Variants in TOR1AIP2 observed in about 807,000 individuals in gnomAD.
TOR1AIP2 encodes torsin-1A-interacting protein 2.
A neutral mutation model predicts 32.6 loss-of-function variants in TOR1AIP2; 20 were observed. That is an observed-to-expected ratio of 0.61 (90% CI 0.43 to 0.89). The LOEUF (loss-of-function observed/expected upper bound fraction) is 0.89. Among genes scored for constraint, TOR1AIP2 ranks in the 40% least tolerant of loss-of-function variants. The pLI is 0.00. For synonymous variants in TOR1AIP2, 214 were observed against 210.8 expected (o/e 1.02, Z -0.13); for missense variants, 456 against 553.8 (o/e 0.82, Z 1.77).
intron 2 of TOR1AIP2, among the ~76,000 whole-genome samples, chr1:179,869,898 T>C (rs1696945025): frequency 6.6e-6 from 1 of 152,240 alleles, no homozygotes. Flanking sequence ...TAACACTTAG[T>C]AGCTAACACT....
chr1:179,864,353 C>T, intron 3 of TOR1AIP2: 1 of 988,158 alleles, frequency 1.0e-6, no homozygotes, highest in Non-Finnish European at 1.2e-6. Context: ...TATTAAAATT[C>T]ACTGGACTAA....
At chr1:179,877,641 CA>C (rs1404147534) in intron 1 of TOR1AIP2, 51 bp downstream of exon 1, 1 of 152,220 alleles carries the variant, frequency 6.6e-6, no homozygotes, top group Non-Finnish European at 1.5e-5. Flanking sequence ...TTCAAGATAT[CA>C]GTTTCAATAC....
chr1:179,848,277 T>C (rs1300669466), intron 5 of TOR1AIP2, among the ~76,000 whole-genome samples: 2 of 152,208 alleles, frequency 1.3e-5, no homozygotes, highest in African/African-American at 4.8e-5. Flanking sequence ...TTAAGAAATG[T>C]TGGCTGTACA....
At chr1:179,870,448 A>G (rs556844384) in intron 2 of TOR1AIP2, among the ~76,000 whole-genome samples, 1 of 152,234 alleles carries the variant, frequency 6.6e-6, no homozygotes, top group Admixed American at 6.5e-5. Flanking sequence ...TTTTTCCAAA[A>G]AGATGGTACA....
At chr1:179,871,666 T>C (rs900326944) in intron 2 of TOR1AIP2, among the ~76,000 whole-genome samples, 1 of 152,214 alleles carries the variant, frequency 6.6e-6, no homozygotes, top group Admixed American at 6.5e-5. Context: ...GATAGGCACA[T>C]AGAAAAAGTA....
rs1204503479 is a variant in TOR1AIP2, at chr1:179,845,312, T to C, written c.*759A>G. 6.6e-6 allele frequency: 1 copy of C among 152,208 alleles called. No homozygotes were observed. Among genetic ancestry groups the C allele is most frequent in the Non-Finnish European group, 1.5e-5 (1 of 68,028 alleles). The allele number at this position is 152,208 out of a possible 1,614,324, so 9.4% of individuals were successfully genotyped here. A position where few individuals can be genotyped will look rare whatever the true frequency, so the allele number is the denominator to read the frequency against. ...GGGGAAGGGTGCCAGTAGACACAGT[T>C]TGAAAATCAATGCTGTAAATTGTTC... On this transcript the variant is annotated 3_prime_UTR_variant, in exon 7 of 7. Transcript: ENST00000609928.
Position 179,851,044 on chromosome 1 carries a change from G to A in TOR1AIP2, c.354C>T (p.Ser118=). 6.2e-7 allele frequency: 1 copy of A among 1,614,172 alleles called. No homozygotes were observed. The highest frequency in any genetic ancestry group is 8.5e-7 in the Non-Finnish European group (1 of 1,179,992). ...TTCCTACCTTGTCACTTGGAGAATG[G>A]CTGGGATCTGGATCCAAGGGTTCTT... is the stretch of plus-strand genomic sequence containing the variant. ...LGKEPLDPDP[S]HSPSDKVGRA... The change falls in exon 5 of 7, where the codon AGC becomes AGT. Residue 118 remains serine, a synonymous_variant. Transcript: ENST00000609928.
chr1:179,851,111 T>C lies in TOR1AIP2; in HGVS notation c.287A>G (p.Asp96Gly), dbSNP rs1261854156. 3 of 1,614,240 alleles carry C rather than the reference T, an allele frequency of 1.9e-6. No individual in the cohort carries two copies. The South Asian group carries it at 3.3e-5, about 18-fold the overall frequency. Residue 96 changes from aspartate (D) to glycine (G), a missense_variant, in exon 5 of 7, where the codon GAT becomes GGT. Transcript: ENST00000609928. ...TEDENKQSFL[D>G]GGKGHHLPSE... ...AGGGAGGTGATGCCCTTTTCCGCCA[T>C]CCAGAAAACTCTGCTTGTTCTCATC... is the stretch of plus-strand genomic sequence containing the variant.
rs545306806 is a variant in TOR1AIP2 at position 179,862,288 on chromosome 1, T to G, written c.-147+3148A>C. ...ATGTCCTTGTAACATAAGCATTCTC[T>G]AATAATTAAAAAATTTAGGGGCAAT... On this transcript the variant is annotated intron_variant, in intron 3 of 6. Coordinates refer to ENST00000609928, the MANE Select transcript of TOR1AIP2 (RefSeq NM_001199260.2). The G allele has an allele frequency of 6.0e-5, 59 of 979,994 alleles. 3 individuals carry two copies. The South Asian group carries it at 2.5e-3, about 42-fold the overall frequency. 60.7% of individuals were successfully genotyped at this position (979,994 alleles called of 1,614,324 possible).
intron 3 of TOR1AIP2, chr1:179,860,663 C>G: frequency 2.1e-5 from 21 of 984,838 alleles, no homozygotes; most frequent in Non-Finnish European, 2.5e-5. Flanking sequence ...CAACCTTTTT[C>G]ACAGATGAAG....
chr1:179,863,737 C>G, intron 3 of TOR1AIP2: 2 of 983,640 alleles, frequency 2.0e-6, no homozygotes, highest in South Asian at 9.4e-5. Flanking sequence ...AAGCTGGGAC[C>G]TTGATAATAT....
At chr1:179,856,795 G>A (rs950437438) in intron 3 of TOR1AIP2, among the ~76,000 whole-genome samples, 1 of 152,116 alleles carries the variant, frequency 6.6e-6, no homozygotes, top group Non-Finnish European at 1.5e-5. Context: ...TGTATTTTTA[G>A]TACACACAGC....
In TOR1AIP2 at chr1:179,851,160, T is replaced by TC; in HGVS notation, c.237dup (p.Lys80GlufsTer6). 1 of 1,614,190 alleles carries TC rather than the reference T, an allele frequency of 6.2e-7. No homozygotes were observed. Among genetic ancestry groups the TC allele is most frequent in the Non-Finnish European group, 8.5e-7 (1 of 1,180,042 alleles). ...TCTTCTGTTTTATCCTTTGGATGTT[T>TC]CCCCACATTTGCTTCATCTGGACTT... On this transcript the variant is annotated frameshift_variant, in exon 5 of 7. Coordinates refer to ENST00000609928, the MANE Select transcript of TOR1AIP2 (RefSeq NM_001199260.2). LOFTEE classifies it high-confidence loss of function.
intron 3 of TOR1AIP2, chr1:179,859,490 G>C: frequency 1.0e-6 from 1 of 985,344 alleles, no homozygotes; most frequent in Non-Finnish European, 1.2e-6. Context: ...TTACATCTAG[G>C]TTTGAATTGT....
Position 179,845,809 on chromosome 1 carries a change from T to A in TOR1AIP2, c.*262A>T, listed in dbSNP as rs569360139. 2.3e-4 allele frequency: 81 copies of A among 354,022 alleles called. No individual in the cohort carries two copies. The East Asian group carries it at 3.8e-3, about 17-fold the overall frequency. The allele number at this position is 354,022 out of a possible 1,614,324, so 21.9% of individuals were successfully genotyped here. A position where few individuals can be genotyped will look rare whatever the true frequency, so the allele number is the denominator to read the frequency against. On this transcript the variant is annotated 3_prime_UTR_variant, in exon 7 of 7. Transcript: ENST00000609928. ...GCTATATTTTAGAATTTAAAAAAAA[T>A]TCTCATATATATCATCGATATTTCA...
chr1:179,862,486 C>A, intron 3 of TOR1AIP2: 1 of 985,348 alleles, frequency 1.0e-6, no homozygotes, highest in Non-Finnish European at 1.2e-6. Context: ...AGGAGAGAAC[C>A]TCCATTGTAA....
chr1:179,845,961 C>T lies in TOR1AIP2; in HGVS notation c.*110G>A. Reference sequence around the variant, plus strand: ...CTAAAATAAGCTCATCTTTGTTTTTCAGGCTATTTCCTCAAGCTATTTTAT... The same window carrying T: ...CTAAAATAAGCTCATCTTTGTTTTTTAGGCTATTTCCTCAAGCTATTTTAT... On this transcript the variant is annotated 3_prime_UTR_variant, in exon 7 of 7. Coordinates refer to ENST00000609928, the MANE Select transcript of TOR1AIP2 (RefSeq NM_001199260.2). 1.0e-6 allele frequency: 1 copy of T among 961,012 alleles called. No individual in the cohort carries two copies. The highest frequency in any genetic ancestry group is 1.5e-6 in the Non-Finnish European group (1 of 654,626). The allele number at this position is 961,012 out of a possible 1,614,324, so 59.5% of individuals were successfully genotyped here. A position where few individuals can be genotyped will look rare whatever the true frequency, so the allele number is the denominator to read the frequency against.
chr1:179,869,325 G>GATAATT (rs1312542869), intron 2 of TOR1AIP2: 3 of 152,070 alleles, frequency 2.0e-5, no homozygotes, highest in Admixed American at 2.0e-4. Context: ...CAAACCTGAG[G>GATAATT]ATAATTATTA....
At chr1:179,862,320 G>A (rs1348927714) in intron 3 of TOR1AIP2, 1 of 983,752 alleles carries the variant, frequency 1.0e-6, no homozygotes, top group Admixed American at 6.2e-5. Context: ...CAATAATACT[G>A]ATCATAATAC....
Sources: gnomAD v4.1 joint callset for allele counts (sites outside exome capture counted in the v4.1 genomes callset) on GRCh38, gnomAD v4.1.1 for gene constraint, MANE v1.5 for transcripts, NCBI Gene and HGNC (gene_info 2026-07-23, HGNC 2026-07-21) for gene names.